The following PLCL2 variants were observed in gnomAD, a reference collection of about 807,000 sequenced individuals.
PLCL2 encodes the protein inactive phospholipase C-like protein 2.
A neutral mutation model predicts 79.6 loss-of-function variants in PLCL2; 4 were observed. The ratio of observed to expected loss-of-function variants is 0.05; its 90% CI spans 0.02 to 0.11. The LOEUF is 0.11. Among genes scored for constraint, PLCL2 ranks in the 10% least tolerant of loss-of-function variants. The pLI is 1.00. For missense variants in PLCL2, 895 were observed against 1,291.0 expected (o/e 0.69, Z 4.70); for synonymous variants, 484 against 457.7 (o/e 1.06, Z -0.73).
chr3:17,021,595 TACACACACACACACACAC>T (rs35902619), intron 3 of PLCL2, among the ~76,000 whole-genome samples: 40 of 146,484 alleles, frequency 2.7e-4, no homozygotes, highest in African/African-American at 9.7e-4. Context: ...AAAGTATTCT[TACACACACACACACACAC>T]ACACACACAC....
intron 1 of PLCL2, among the ~76,000 whole-genome samples, chr3:16,971,631 A>T (rs138148560): frequency 0.021 from 3,173 of 152,256 alleles, 54 homozygotes; most frequent in South Asian, 0.043. Context: ...TCTATAAATT[A>T]CCTTGGGCGA....
intron 3 of PLCL2, among the ~76,000 whole-genome samples, chr3:17,024,057 G>A (rs2124902754): frequency 6.6e-6 from 1 of 152,278 alleles, no homozygotes; most frequent in African/African-American, 2.4e-5. Flanking sequence ...CCCAGAGAAA[G>A]GCCTAGGTAT....
chr3:16,967,346 T>C (rs2063817906), intron 1 of PLCL2, among the ~76,000 whole-genome samples: 1 of 152,126 alleles, frequency 6.6e-6, no homozygotes, highest in African/African-American at 2.4e-5. Context: ...GCCAAACTGC[T>C]TTCCACAATG....
At chr3:16,916,945 A>G (rs552037831) in intron 1 of PLCL2, among the ~76,000 whole-genome samples, 14 of 151,854 alleles carry the variant, frequency 9.2e-5, no homozygotes, top group Admixed American at 3.9e-4. Context: ...TTATCTCCCC[A>G]CCTCCCCTTG....
chr3:17,087,265 G>A (rs1284186823), intron 5 of PLCL2, among the ~76,000 whole-genome samples: 4 of 152,212 alleles, frequency 2.6e-5, no homozygotes, highest in African/African-American at 7.2e-5. Flanking sequence ...TAGATGTCCT[G>A]AAGTAAATGA....
chr3:17,081,073 T>A, intron 5 of PLCL2: 1 of 428,266 alleles, frequency 2.3e-6, no homozygotes, highest in South Asian at 1.7e-5. Context: ...CTCAGTGTCC[T>A]TTTTATGAAA....
At chr3:16,971,702 G>T (rs2063870231) in intron 1 of PLCL2, among the ~76,000 whole-genome samples, 3 of 152,066 alleles carry the variant, frequency 2.0e-5, no homozygotes, top group Admixed American at 2.0e-4. Flanking sequence ...TCTTCCATTT[G>T]TTTGTATCCT....
chr3:16,949,917 T>A (rs1413232001), intron 1 of PLCL2, among the ~76,000 whole-genome samples: 2 of 152,216 alleles, frequency 1.3e-5, no homozygotes, highest in Non-Finnish European at 2.9e-5. Context: ...CCCTTTCCCA[T>A]CATTTGGAAT....
rs1017598596 is a variant in PLCL2 at position 17,011,164 on chromosome 3, T to C, written c.1818T>C (p.Asn606=). The change falls in exon 2 of 6, where the codon AAT becomes AAC. Residue 606 remains asparagine, a synonymous_variant. Coordinates refer to ENST00000615277, the MANE Select transcript of PLCL2 (RefSeq NM_001144382.2). This position sits in a 1 kb window ranked among gnomAD's most constrained non-coding sequence, Gnocchi z 7.9. The part of the protein sequence containing the change: ...MGKENMEQPN[N]VPVKRFQLCK... ...AAGAGAACATGGAGCAACCCAATAA[T>C]GTGCCTGTGAAGCGATTTCAGCTTT... The C allele has an allele frequency of 2.5e-6, 4 of 1,614,070 alleles. No homozygotes were observed. Among genetic ancestry groups the C allele is most frequent in the East Asian group, 2.2e-5 (1 of 44,882 alleles).
chr3:16,983,765 G>A lies in PLCL2; in HGVS notation c.328-25909G>A, dbSNP rs1232594656. The stretch of plus-strand genomic sequence containing the variant: ...GTCAGAAGACTTTAATAGGGACAGA[G>A]AAATTCTCACTGTAAAGACCCTTTC... On this transcript the variant is annotated intron_variant, in intron 1 of 5. Transcript: ENST00000615277. Among the ~76,000 whole-genome samples the A allele has an allele frequency of 2.0e-5, 3 of 152,290 alleles. No homozygotes were observed. The South Asian group carries it at 6.2e-4, about 32-fold the overall frequency.
At chr3:16,933,094 C>T (rs894344409) in intron 1 of PLCL2, 5 of 154,622 alleles carry the variant, frequency 3.2e-5, no homozygotes, top group Non-Finnish European at 4.4e-5. Flanking sequence ...GAAAATGAAA[C>T]GTACCTAAGT....
At chr3:17,032,881 T>G (rs1336380096) in intron 3 of PLCL2, among the ~76,000 whole-genome samples, 1 of 152,216 alleles carries the variant, frequency 6.6e-6, no homozygotes, top group Non-Finnish European at 1.5e-5. Context: ...GAAACTGCAC[T>G]TAAAGTTTAA....
chr3:16,956,488 C>T (rs2063706813), intron 1 of PLCL2, among the ~76,000 whole-genome samples: 1 of 152,132 alleles, frequency 6.6e-6, no homozygotes, highest in African/African-American at 2.4e-5. Flanking sequence ...GTCTAAAATT[C>T]TCTTTTTTTG....
At chr3:17,073,841 CT>C (rs1394821161) in intron 5 of PLCL2, among the ~76,000 whole-genome samples, 1 of 152,210 alleles carries the variant, frequency 6.6e-6, no homozygotes, top group Non-Finnish European at 1.5e-5. Context: ...TTAGTCACCT[CT>C]TCAGGCTCTA....
rs1050977623 is a variant in PLCL2 at position 16,972,053 on chromosome 3, A to G, written c.328-37621A>G. Among the ~76,000 whole-genome samples the G allele has an allele frequency of 5.9e-5, 9 of 151,982 alleles. 1 individual carries two copies. Among genetic ancestry groups the G allele is most frequent in the Non-Finnish European group, 1.3e-4 (9 of 68,000 alleles). ...CTCAAAATAATAAGAGCTATCTATG[A>G]CATACCCACAGCCAGTATCATACTG... On this transcript the variant is annotated intron_variant, in intron 1 of 5. Transcript: ENST00000615277.
At chr3:17,028,698 G>T (rs2064545193) in intron 3 of PLCL2, among the ~76,000 whole-genome samples, 1 of 151,914 alleles carries the variant, frequency 6.6e-6, no homozygotes, top group Non-Finnish European at 1.5e-5. Flanking sequence ...GCTCAGGCTG[G>T]TCTTGAACTT....
intron 1 of PLCL2, among the ~76,000 whole-genome samples, chr3:16,953,570 A>T (rs1305076497): frequency 6.6e-6 from 1 of 152,106 alleles, no homozygotes; most frequent in Non-Finnish European, 1.5e-5. Flanking sequence ...TATTTTTGTG[A>T]TGGTAAGATG....
intron 1 of PLCL2, among the ~76,000 whole-genome samples, chr3:16,980,181 G>A (rs554706587): frequency 7.7e-6 from 1 of 129,838 alleles, no homozygotes; most frequent in African/African-American, 3.0e-5. Context: ...TGAGTGGCTG[G>A]CCGGGCAGAG....
chr3:16,979,669 A>C (rs2063961007), intron 1 of PLCL2, among the ~76,000 whole-genome samples: 2 of 144,772 alleles, frequency 1.4e-5, no homozygotes, highest in Admixed American at 1.4e-4. Context: ...GTCACCGATC[A>C]ACAGGATCCC....
Sources: allele counts gnomAD v4.1 joint callset (sites outside exome capture counted in the v4.1 genomes callset), GRCh38; gene constraint gnomAD v4.1.1; non-coding constraint Gnocchi (gnomAD v3.1); transcripts MANE v1.5; gene names NCBI Gene and HGNC (gene_info 2026-07-23, HGNC 2026-07-21).